The following TRABD2B variants were observed in gnomAD, a reference collection of about 807,000 sequenced individuals.
TRABD2B encodes the protein TraB domain containing 2B, also known as metalloprotease TIKI2.
In TRABD2B, 14 loss-of-function variants were observed where a neutral mutation model predicts 40.1. The ratio of observed to expected loss-of-function variants is 0.35; its 90% CI spans 0.23 to 0.55. The LOEUF (loss-of-function observed/expected upper bound fraction) is 0.55, where lower values mean the gene tolerates loss of function less well. TRABD2B is among the 20% of genes least tolerant of loss of function. TRABD2B has a pLI of 0.90. For missense variants in TRABD2B, 541 were observed against 648.6 expected, an observed-to-expected ratio of 0.83 and a Z score of 1.80; for synonymous variants, 263 against 277.0, an observed-to-expected ratio of 0.95 and a Z score of 0.50.
chr1:47,988,337 G>A (rs955366200), intron 2 of TRABD2B, among the ~76,000 whole-genome samples: 2 of 152,174 alleles, frequency 1.3e-5, no homozygotes, highest in Non-Finnish European at 2.9e-5. Context: ...CACCTCTCAG[G>A]GCATAAAAGC....
chr1:47,830,127 T>A (rs1333568332), intron 2 of TRABD2B, among the ~76,000 whole-genome samples: 1 of 152,224 alleles, frequency 6.6e-6, no homozygotes, highest in Non-Finnish European at 1.5e-5. Flanking sequence ...CCATCTGCTC[T>A]TCTGGGGTCT....
chr1:47,845,858 G>A (rs541947941), intron 2 of TRABD2B, among the ~76,000 whole-genome samples: 13 of 152,284 alleles, frequency 8.5e-5, no homozygotes, highest in Admixed American at 2.6e-4. Flanking sequence ...AAATGAACAC[G>A]TTTTATTCTA....
intron 2 of TRABD2B, among the ~76,000 whole-genome samples, chr1:47,870,906 G>A (rs1644131519): frequency 1.3e-5 from 2 of 152,214 alleles, no homozygotes; most frequent in Non-Finnish European, 2.9e-5. Context: ...TAGGCAGGGA[G>A]AACAGCATAT....
At chr1:47,970,883 T>A (rs1645672511) in intron 2 of TRABD2B, among the ~76,000 whole-genome samples, 1 of 152,200 alleles carries the variant, frequency 6.6e-6, no homozygotes, top group African/African-American at 2.4e-5. Context: ...GTGGCGCATG[T>A]CTGCTAGCGT....
At chr1:47,828,312 C>T (rs923448518) in intron 2 of TRABD2B, among the ~76,000 whole-genome samples, 1 of 152,144 alleles carries the variant, frequency 6.6e-6, no homozygotes, top group Non-Finnish European at 1.5e-5. Flanking sequence ...CACAAACAGG[C>T]TCCTGAACTG....
rs186683388 is a variant in TRABD2B, at chr1:47,764,187, C to A, written c.*1715G>T. On this transcript the variant is annotated 3_prime_UTR_variant, in exon 7 of 7. Transcript: ENST00000606738. ...GCTGCCATCAAGCCTGCCAGGGAAA[C>A]CCACGAAGCTATAAAGTTGGGGTGC... 6.6e-6 allele frequency: 1 copy of A among 152,268 alleles called. No homozygotes were observed. The highest frequency in any genetic ancestry group is 6.5e-5 in the Admixed American group (1 of 15,290). The allele number at this position is 152,268 out of a possible 1,614,324, so 9.4% of individuals were successfully genotyped here.
chr1:47,859,710 C>T (rs1643938626), intron 2 of TRABD2B, among the ~76,000 whole-genome samples: 2 of 152,208 alleles, frequency 1.3e-5, no homozygotes, highest in African/African-American at 4.8e-5. Flanking sequence ...CCACCATCTC[C>T]ACCTGCCCAA....
At chr1:47,809,999 T>G (rs1337044313) in intron 2 of TRABD2B, among the ~76,000 whole-genome samples, 1 of 152,102 alleles carries the variant, frequency 6.6e-6, no homozygotes, top group Non-Finnish European at 1.5e-5. Flanking sequence ...GAGTGAACAC[T>G]GCAAATAAAG....
At chr1:47,876,296 C>T (rs1194248065) in intron 2 of TRABD2B, among the ~76,000 whole-genome samples, 5 of 152,188 alleles carry the variant, frequency 3.3e-5, no homozygotes, top group Middle Eastern at 3.4e-3. Flanking sequence ...CACATAAACC[C>T]GAACATAGAA....
chr1:47,863,727 C>A (rs1402553554), intron 2 of TRABD2B, among the ~76,000 whole-genome samples: 2 of 152,120 alleles, frequency 1.3e-5, no homozygotes, highest in Admixed American at 1.3e-4. Context: ...ACCATGTGAT[C>A]CAGCAATCAT....
At chr1:47,792,507 G>C (rs900701994) in intron 4 of TRABD2B, among the ~76,000 whole-genome samples, 1 of 152,158 alleles carries the variant, frequency 6.6e-6, no homozygotes, top group African/African-American at 2.4e-5. Context: ...TCTTTCTGGT[G>C]GCCTGTCAAC....
At chr1:47,808,378 T>A (rs1347077362) in intron 2 of TRABD2B, among the ~76,000 whole-genome samples, 1 of 152,244 alleles carries the variant, frequency 6.6e-6, no homozygotes, top group Non-Finnish European at 1.5e-5. Context: ...TTCTATTGGT[T>A]CTGTTTTTCT....
In TRABD2B at chr1:47,782,165, T is replaced by C. The variant is rs112866107; in HGVS notation, c.989-3621A>G. Among the ~76,000 whole-genome samples, 1,443 of 152,230 alleles carry C rather than the reference T, an allele frequency of 9.5e-3. 14 individuals carry two copies. The highest frequency in any genetic ancestry group is 0.013 in the Non-Finnish European group (889 of 68,002). ...TCCACCTAAACATCCTCAGAACCTA[T>C]AGAATCCAACTCTTCCTTCTCTGCA... On this transcript the variant is annotated intron_variant, in intron 4 of 6. Coordinates refer to ENST00000606738, the MANE Select transcript of TRABD2B (RefSeq NM_001194986.2).
chr1:47,791,153 C>T (rs1179034719), intron 4 of TRABD2B, among the ~76,000 whole-genome samples: 6 of 152,182 alleles, frequency 3.9e-5, no homozygotes, highest in African/African-American at 9.7e-5. Context: ...TGGGCTGGGT[C>T]GGGGTTGGGT....
intron 2 of TRABD2B, among the ~76,000 whole-genome samples, chr1:47,805,907 C>T (rs1034612794): frequency 1.3e-5 from 2 of 152,126 alleles, no homozygotes; most frequent in Non-Finnish European, 2.9e-5. Context: ...TTGGGCCAGG[C>T]CTGGAATGTA....
chr1:47,859,731 T>A (rs2124550568), intron 2 of TRABD2B, among the ~76,000 whole-genome samples: 1 of 152,272 alleles, frequency 6.6e-6, no homozygotes, highest in South Asian at 2.1e-4. Flanking sequence ...ATCAGACCAA[T>A]CTGACAAGTG....
At chr1:47,930,813 G>A (rs1376627194) in intron 2 of TRABD2B, among the ~76,000 whole-genome samples, 1 of 152,094 alleles carries the variant, frequency 6.6e-6, no homozygotes, top group African/African-American at 2.4e-5. Context: ...GGCAGACTGA[G>A]GCCCAGAAAG....
intron 2 of TRABD2B, among the ~76,000 whole-genome samples, chr1:47,877,880 T>C (rs897929015): frequency 6.6e-6 from 1 of 151,630 alleles, no homozygotes; most frequent in Admixed American, 6.6e-5. Context: ...TAGTCCCAGC[T>C]ACTCGGGAGA....
At chr1:47,839,240 G>A (rs763548208) in intron 2 of TRABD2B, among the ~76,000 whole-genome samples, 1 of 151,882 alleles carries the variant, frequency 6.6e-6, no homozygotes, top group Non-Finnish European at 1.5e-5. Flanking sequence ...CTGCATAAAG[G>A]CCAGGGGCCT....
Sources: allele counts gnomAD v4.1 joint callset (sites outside exome capture counted in the v4.1 genomes callset), GRCh38; gene constraint gnomAD v4.1.1; transcripts MANE v1.5; gene names NCBI Gene and HGNC (gene_info 2026-07-23, HGNC 2026-07-21).